The following WWOX variants were observed in gnomAD, a reference collection of about 807,000 sequenced individuals.
WWOX encodes the protein WW domain-containing oxidoreductase.
WWOX carries 69 observed loss-of-function variants against 46.2 expected under a neutral mutation model. That is an observed-to-expected ratio of 1.49 (90% CI 1.23 to 1.82). The LOEUF (loss-of-function observed/expected upper bound fraction) is 1.82, where lower values mean the gene tolerates loss of function less well. WWOX is among the 40% of genes most tolerant of loss of function. The pLI is 0.00. For missense variants in WWOX, 919 were observed against 542.6 expected (o/e 1.69, Z -6.89); for synonymous variants, 359 against 202.6 (o/e 1.77, Z -6.56).
intron 8 of WWOX, among the ~76,000 whole-genome samples, chr16:78,633,901 T>G (rs910580807): frequency 2.0e-5 from 3 of 151,816 alleles, no homozygotes; most frequent in African/African-American, 2.4e-5. Context: ...GAGGTGTTTT[T>G]TTTTTTTTTT....
At chr16:78,923,536 T>C (rs992719859) in intron 8 of WWOX, among the ~76,000 whole-genome samples, 11 of 152,066 alleles carry the variant, frequency 7.2e-5, no homozygotes, top group African/African-American at 2.7e-4. Context: ...GCTTTGGAAA[T>C]TCTACATACA....
chr16:78,590,364 G>A (rs1158136974), intron 8 of WWOX, among the ~76,000 whole-genome samples: 1 of 152,154 alleles, frequency 6.6e-6, no homozygotes, highest in Non-Finnish European at 1.5e-5. Context: ...GAATCTGAAA[G>A]TGTTATAGTA....
intron 8 of WWOX, among the ~76,000 whole-genome samples, chr16:79,195,824 G>C (rs1453841114): frequency 6.6e-6 from 1 of 152,226 alleles, no homozygotes; most frequent in Non-Finnish European, 1.5e-5. Context: ...TGACATTGTA[G>C]ATGCAAATGT....
At chr16:78,884,885 A>C (rs2044421040) in intron 8 of WWOX, among the ~76,000 whole-genome samples, 1 of 152,244 alleles carries the variant, frequency 6.6e-6, no homozygotes, top group African/African-American at 2.4e-5. Flanking sequence ...AAATAATAAT[A>C]ATATAAAGCA....
chr16:79,099,573 CGT>C (rs765766255), intron 8 of WWOX, among the ~76,000 whole-genome samples: 9 of 139,812 alleles, frequency 6.4e-5, no homozygotes, highest in East Asian at 2.1e-4. Flanking sequence ...ATTGTGTGTG[CGT>C]GTGTGTGTGT....
At chr16:78,527,130 T>C (rs940967092) in intron 8 of WWOX, among the ~76,000 whole-genome samples, 1 of 151,876 alleles carries the variant, frequency 6.6e-6, no homozygotes, top group African/African-American at 2.4e-5. Context: ...GCCATTGCAC[T>C]CCAGCCTGGG....
At chr16:79,109,300 C>G (rs1460159922) in intron 8 of WWOX, among the ~76,000 whole-genome samples, 1 of 152,242 alleles carries the variant, frequency 6.6e-6, no homozygotes, top group East Asian at 1.9e-4. Context: ...GTCTCCCAGA[C>G]CCCCAGTTTC....
chr16:78,843,385 T>C (rs946650619), intron 8 of WWOX, among the ~76,000 whole-genome samples: 1 of 150,164 alleles, frequency 6.7e-6, no homozygotes, highest in Non-Finnish European at 1.5e-5. Flanking sequence ...GTGCCTGTTT[T>C]GTTGACTTAA....
At chr16:78,693,768 C>T (rs1597454403) in intron 8 of WWOX, among the ~76,000 whole-genome samples, 1 of 152,134 alleles carries the variant, frequency 6.6e-6, no homozygotes, top group Non-Finnish European at 1.5e-5. Flanking sequence ...ACATGCGCAG[C>T]CCCAAGGCTG....
intron 8 of WWOX, among the ~76,000 whole-genome samples, chr16:78,718,733 T>A (rs1287456411): frequency 6.6e-6 from 1 of 152,002 alleles, no homozygotes; most frequent in Non-Finnish European, 1.5e-5. Flanking sequence ...TTCCAATGTT[T>A]CTGAAGGATG....
At chr16:78,876,009 C>T (rs755903360) in intron 8 of WWOX, among the ~76,000 whole-genome samples, 7 of 152,002 alleles carry the variant, frequency 4.6e-5, no homozygotes. Context: ...GGTCTCCCAC[C>T]CTCTCTTATT....
intron 5 of WWOX, among the ~76,000 whole-genome samples, chr16:78,334,855 C>A (rs13336182): frequency 6.9e-6 from 1 of 145,178 alleles, no homozygotes; most frequent in African/African-American, 2.6e-5. Flanking sequence ...CACACACACA[C>A]AAAATCACCA....
chr16:78,483,615 T>C (rs1037986968), intron 8 of WWOX, among the ~76,000 whole-genome samples: 1 of 152,124 alleles, frequency 6.6e-6, no homozygotes, highest in African/African-American at 2.4e-5. Flanking sequence ...CCCCTTCACA[T>C]ACTTATACTG....
chr16:78,988,993 C>G (rs1365058391), intron 8 of WWOX, among the ~76,000 whole-genome samples: 1 of 152,204 alleles, frequency 6.6e-6, no homozygotes, highest in African/African-American at 2.4e-5. Context: ...TCCTGTACAA[C>G]CTGAGTTCTC....
intron 8 of WWOX, among the ~76,000 whole-genome samples, chr16:78,738,493 A>C (rs1242573950): frequency 1.3e-5 from 2 of 151,970 alleles, no homozygotes; most frequent in African/African-American, 4.8e-5. Flanking sequence ...TGAGAATTCC[A>C]CTCCTTTGGG....
chr16:78,552,726 T>G (rs2044203539), intron 8 of WWOX: 1 of 152,262 alleles, frequency 6.6e-6, no homozygotes, highest in African/African-American at 2.4e-5. Flanking sequence ...AACTTATCAT[T>G]TGTTCATTTA....
rs180699952 is a variant in WWOX at position 79,105,291 on chromosome 16, T to C, written c.1057-106317T>C. Among the ~76,000 whole-genome samples the C allele has an allele frequency of 2.3e-3, 352 of 152,282 alleles. 3 individuals carry two copies. Among genetic ancestry groups the C allele is most frequent in the African/African-American group, 8.3e-3 (345 of 41,560 alleles). ...GATAGTGAAAACAATTTCTTTTAGATGTAGAAAGGGTAGAAAATACAGATA... is the reference window on the plus strand; with the variant it reads ...GATAGTGAAAACAATTTCTTTTAGACGTAGAAAGGGTAGAAAATACAGATA... On this transcript the variant is annotated intron_variant, in intron 8 of 8. Coordinates refer to ENST00000566780, the MANE Select transcript of WWOX (RefSeq NM_016373.4).
chr16:78,316,867 C>A (rs527779475), intron 5 of WWOX, among the ~76,000 whole-genome samples: 2 of 152,184 alleles, frequency 1.3e-5, no homozygotes, highest in East Asian at 3.8e-4. Context: ...CAACCCTGCA[C>A]CCTGGGACAT....
intron 8 of WWOX, among the ~76,000 whole-genome samples, chr16:78,545,701 A>G (rs540553424): frequency 6.6e-6 from 1 of 152,322 alleles, no homozygotes; most frequent in South Asian, 2.1e-4. Context: ...CACTGGGGAT[A>G]TTAAACATTA....
Sources: allele counts gnomAD v4.1 joint callset (sites outside exome capture counted in the v4.1 genomes callset), GRCh38; gene constraint gnomAD v4.1.1; transcripts MANE v1.5; gene names NCBI Gene and HGNC (gene_info 2026-07-23, HGNC 2026-07-21).